Variants in DST observed in about 807,000 individuals in gnomAD.
The protein encoded by DST is bullous pemphigoid antigen.
Under a neutral mutation model 875.2 loss-of-function variants are expected in DST, and 253 were observed. The observed-to-expected ratio is 0.29, with a 90% CI of 0.26 to 0.32. The LOEUF is 0.32. Among genes scored for constraint, DST ranks in the 10% least tolerant of loss-of-function variants. The probability of loss-of-function intolerance (pLI) is 1.00; values close to 1 mark genes in which losing one functional copy is unlikely to be tolerated. For missense variants in DST, 8,287 were observed against 9,111.6 expected (o/e 0.91, Z 3.68); for synonymous variants, 3,124 against 3,197.1 (o/e 0.98, Z 0.77).
chr6:56,673,121 A>C (rs2099110613), intron 9 of DST, among the ~76,000 whole-genome samples: 2 of 152,152 alleles, frequency 1.3e-5, no homozygotes, highest in Admixed American at 1.3e-4. Context: ...GCATAATAGC[A>C]TGTGCCCATA....
chr6:56,509,289 C>G (rs2096413713), intron 74 of DST, among the ~76,000 whole-genome samples: 1 of 152,108 alleles, frequency 6.6e-6, no homozygotes, highest in South Asian at 2.1e-4. Flanking sequence ...ATGCAGGATC[C>G]ATGCTATGTA....
At chr6:56,812,833 G>T (rs13214135) in intron 4 of DST, among the ~76,000 whole-genome samples, 24,740 of 152,006 alleles carry the variant, frequency 0.16, 2,224 homozygotes, top group Non-Finnish European at 0.19. Context: ...TGGTGATTCC[G>T]CAGGGATCTA....
intron 10 of DST, among the ~76,000 whole-genome samples, chr6:56,666,810 A>C (rs1287496189): frequency 6.7e-6 from 1 of 149,708 alleles, no homozygotes; most frequent in African/African-American, 2.5e-5. Flanking sequence ...GTCACAACTC[A>C]CTGCAGCCTC....
At chr6:56,691,520 T>G (rs527745399) in intron 9 of DST, among the ~76,000 whole-genome samples, 44 of 152,280 alleles carry the variant, frequency 2.9e-4, no homozygotes, top group Admixed American at 7.9e-4. Flanking sequence ...ATCACAAATA[T>G]TCTTTATGTT....
In DST at chr6:56,714,537, CCT is replaced by C. The variant is rs1304860608; in HGVS notation, c.688-10170_688-10169del. Among the ~76,000 whole-genome samples the C allele has an allele frequency of 7.9e-5, 12 of 152,136 alleles. No individual in the cohort carries two copies. The highest frequency in any genetic ancestry group is 2.4e-4 in the African/African-American group (10 of 41,424). ...AGTGGAAGTTATTTTCTCTCCAGCC[CCT>C]GTCTGAGCACACTCCCTTTTAAAGT... On this transcript the variant is annotated intron_variant, in intron 5 of 103. Coordinates refer to ENST00000680361, the MANE Select transcript of DST (RefSeq NM_001374736.1). This position sits in a 1 kb window ranked among gnomAD's most constrained non-coding sequence, Gnocchi z 4.5.
At chr6:56,495,983 T>C (rs571324698) in intron 82 of DST, among the ~76,000 whole-genome samples, 25 of 152,248 alleles carry the variant, frequency 1.6e-4, no homozygotes, top group Admixed American at 7.2e-4. Flanking sequence ...ACAACAACAT[T>C]ATATCTCTAT....
Position 56,535,191 on chromosome 6 carries a change from C to T in DST, c.16872G>A (p.Glu5624=), listed in dbSNP as rs573701077. ...SLLSWMVDTE[E]LVANQKPPSA... ...ACGGGGGCTTCTGATTGGCCACAAG[C>T]TCCTCAGTGTCCACCATCCAGCTGA... Residue 5624 remains glutamate, a synonymous_variant, in exon 63 of 104, where the codon GAG becomes GAA. Coordinates refer to ENST00000680361, the MANE Select transcript of DST (RefSeq NM_001374736.1). 1 of 1,613,864 alleles carries T rather than the reference C, an allele frequency of 6.2e-7. No individual in the cohort carries two copies. The highest frequency in any genetic ancestry group is 1.3e-5 in the African/African-American group (1 of 75,050).
Position 56,606,795 on chromosome 6 carries a change from A to G in DST, c.7833T>C (p.Asp2611=). 6.2e-7 allele frequency: 1 copy of G among 1,613,312 alleles called. No homozygotes were observed. Among genetic ancestry groups the G allele is most frequent in the Non-Finnish European group, 8.5e-7 (1 of 1,179,600 alleles). ...CTTCAAACAAGGGAGTATCATAAAAATCATCATCACTATCAGTGTCTGTTC... is the reference window on the plus strand; with the variant it reads ...CTTCAAACAAGGGAGTATCATAAAAGTCATCATCACTATCAGTGTCTGTTC... ...NTGTDTDSDD[D]FYDTPLFEDD... is the part of the protein sequence containing the mutation. The change falls in exon 40 of 104, where the codon GAT becomes GAC. Residue 2611 remains aspartate (D), a synonymous_variant. Transcript: ENST00000680361.
intron 45 of DST, among the ~76,000 whole-genome samples, chr6:56,599,728 ATGGCTAT>A (rs1198866393): frequency 6.6e-6 from 1 of 152,128 alleles, no homozygotes; most frequent in Non-Finnish European, 1.5e-5. Flanking sequence ...ACCCAAAGTG[ATGGCTAT>A]TTCCTCTGAT....
At chr6:56,471,297 G>A in intron 94 of DST, 29 bp from the exon 95 acceptor site, 1 of 1,526,800 alleles carries the variant, frequency 6.5e-7, no homozygotes, top group South Asian at 1.2e-5. Context: ...TTTTGATTGA[G>A]TTAATGCTGT....
rs1040864298 is a variant in DST at position 56,632,930 on chromosome 6, T to G, written c.3729A>C (p.Ser1243=). 2.5e-6 allele frequency: 4 copies of G among 1,613,850 alleles called. No homozygotes were observed. The highest frequency in any genetic ancestry group is 1.7e-6 in the Non-Finnish European group (2 of 1,179,916). Reference sequence around the variant, plus strand: ...CCTCCTTTTCCAGTTGTGTTATATCTGAGCCTGAAAAGACTTGGGATTCCT... The same window carrying G: ...CCTCCTTTTCCAGTTGTGTTATATCGGAGCCTGAAAAGACTTGGGATTCCT... ...DSQESQVFSG[S]DITQLEKEVN... The change falls in exon 28 of 104, where the codon TCA becomes TCC. Residue 1243 remains serine, a synonymous_variant. Transcript: ENST00000680361.
At chr6:56,767,580 G>T (rs1259680035) in intron 4 of DST, among the ~76,000 whole-genome samples, 1 of 151,856 alleles carries the variant, frequency 6.6e-6, no homozygotes, top group Non-Finnish European at 1.5e-5. Context: ...TCGCACGACT[G>T]TACTTGCCTG....
chr6:56,763,033 A>G (rs2099621321), intron 4 of DST, among the ~76,000 whole-genome samples: 2 of 152,026 alleles, frequency 1.3e-5, no homozygotes, highest in Admixed American at 1.3e-4. Context: ...TATTTTTACT[A>G]GAGATGGGGT....
At position 56,606,028 on chromosome 6, in the gene DST, C is replaced by G. The variant is rs763957785; in HGVS notation, c.8600G>C (p.Ser2867Thr). ...MILLDKMHSC[S>T]SLEKQQRVNV... is the part of the protein sequence containing the mutation. ...TACCCTTTGCTGTTTTTCTAAAGAG[C>G]TACAACTGTGCATTTTATCCAGAAG... The change falls in exon 40 of 104, where the codon AGC (serine) becomes ACC (threonine). Residue 2867 changes from serine (S) to threonine (T), a missense_variant. Around this residue, in one of 10 missense-constraint regions of DST, gnomAD observed 3,138 missense variants for 3,116.6 expected, o/e 1.01. Transcript: ENST00000680361. 6.2e-7 allele frequency: 1 copy of G among 1,612,896 alleles called. No homozygotes were observed.
intron 4 of DST, among the ~76,000 whole-genome samples, chr6:56,788,505 A>G (rs2099709712): frequency 6.6e-6 from 1 of 152,198 alleles, no homozygotes; most frequent in South Asian, 2.1e-4. Flanking sequence ...CTTTATCATC[A>G]GGTACTCTGA....
rs2098477346 is a variant in DST, at chr6:56,604,586, A to C, written c.10042T>G (p.Ser3348Ala). 1.9e-6 allele frequency: 3 copies of C among 1,611,882 alleles called. No individual in the cohort carries two copies. Among genetic ancestry groups the C allele is most frequent in the South Asian group, 1.1e-5 (1 of 90,786 alleles). Residue 3348 changes from serine (S) to alanine (A), a missense_variant, in exon 40 of 104, where the codon TCT becomes GCT. Transcript: ENST00000680361. Reference sequence around the variant, plus strand: ...TTTACATCCTCCACAAATACCTGAGACAATTCAGGAATCTGAACCTCCTTT... The same window carrying C: ...TTTACATCCTCCACAAATACCTGAGCCAATTCAGGAATCTGAACCTCCTTT... ...QEKEVQIPEL[S>A]QVFVEDVKDI... is the part of the protein sequence containing the mutation.
intron 9 of DST, among the ~76,000 whole-genome samples, chr6:56,671,883 G>A (rs1389746904): frequency 6.6e-6 from 1 of 152,178 alleles, no homozygotes; most frequent in Non-Finnish European, 1.5e-5. Context: ...TCTAGACCTG[G>A]TTCCTAGTCT....
chr6:56,568,615 T>A lies in DST; in HGVS notation c.13879-20A>T. On this transcript the variant is annotated intron_variant, in intron 54 of 103. Transcript: ENST00000680361. ...TAATTTCTTGAGATATAAAAACACA[T>A]TATTTTTCCATCTTAATATTTTCAG... 1 of 1,561,338 alleles carries A rather than the reference T, an allele frequency of 6.4e-7. No homozygotes were observed. The highest frequency in any genetic ancestry group is 1.9e-5 in the Admixed American group (1 of 53,196).
chr6:56,589,517 G>A (rs1203498832), intron 49 of DST, among the ~76,000 whole-genome samples: 2 of 152,212 alleles, frequency 1.3e-5, no homozygotes, highest in East Asian at 1.9e-4. Flanking sequence ...CCAGAAGACA[G>A]CGAAGTCTAT....
Sources: gnomAD v4.1 joint callset for allele counts (sites outside exome capture counted in the v4.1 genomes callset) on GRCh38, gnomAD v4.1.1 for gene constraint, gnomAD v4.1.1 regional missense constraint, Gnocchi (gnomAD v3.1) non-coding constraint, MANE v1.5 for transcripts, NCBI Gene and HGNC (gene_info 2026-07-23, HGNC 2026-07-21) for gene names.